The following TEK variants were observed in gnomAD, a reference collection of about 807,000 sequenced individuals.
The protein encoded by TEK is TEK receptor tyrosine kinase, also known as angiopoietin-1 receptor.
In TEK, 43 loss-of-function variants were observed where a neutral mutation model predicts 131.8. That is an observed-to-expected ratio of 0.33 (90% CI 0.26 to 0.42). The LOEUF (loss-of-function observed/expected upper bound fraction) is 0.42. Among genes scored for constraint, TEK ranks in the 10% least tolerant of loss-of-function variants. The probability of loss-of-function intolerance (pLI) is 1.00; values close to 1 mark genes in which losing one functional copy is unlikely to be tolerated. For missense variants in TEK, 1,162 were observed against 1,384.4 expected (o/e 0.84, Z 2.55); for synonymous variants, 580 against 491.6 (o/e 1.18, Z -2.38).
rs186235174 is a variant in TEK at position 27,169,451 on chromosome 9, G to A, written c.476-26G>A. 347 of 1,613,354 alleles carry A rather than the reference G, an allele frequency of 2.2e-4. 1 individual carries two copies. The highest frequency in any genetic ancestry group is 7.1e-4 in the South Asian group (65 of 91,014). On this transcript the variant is annotated intron_variant, in intron 3 of 22. Transcript: ENST00000380036. ...GCAGGTATGTTTCAGTGTGACCTACGGTTCTTCACTCTTCCCTCTTACTAG... is the reference window on the plus strand; with the variant it reads ...GCAGGTATGTTTCAGTGTGACCTACAGTTCTTCACTCTTCCCTCTTACTAG...
At chr9:27,227,008 T>TG (rs11455905) in intron 21 of TEK, among the ~76,000 whole-genome samples, 71,925 of 151,934 alleles carry the variant, frequency 0.47, 17,212 homozygotes, top group Admixed American at 0.57. Flanking sequence ...TGGACATAGT[T>TG]GACCATCACT....
intron 2 of TEK, among the ~76,000 whole-genome samples, chr9:27,163,536 T>A (rs1373543660): frequency 1.3e-5 from 2 of 152,122 alleles, no homozygotes; most frequent in Admixed American, 1.3e-4. Context: ...ACATGAGTGA[T>A]GAGATCTGGC....
chr9:27,143,692 C>T (rs1186275338), intron 1 of TEK, among the ~76,000 whole-genome samples: 1 of 152,162 alleles, frequency 6.6e-6, no homozygotes, highest in African/African-American at 2.4e-5. Context: ...TGTACACACG[C>T]ACATTGTCTA....
chr9:27,136,085 A>ATTATTTT (rs1554689022), intron 1 of TEK, among the ~76,000 whole-genome samples: 1 of 137,022 alleles, frequency 7.3e-6, no homozygotes. Flanking sequence ...CAGGGCAGTT[A>ATTATTTT]TTTTTTTTTT....
At chr9:27,177,205 C>G (rs1824201361) in intron 6 of TEK, among the ~76,000 whole-genome samples, 1 of 152,158 alleles carries the variant, frequency 6.6e-6, no homozygotes, top group Non-Finnish European at 1.5e-5. Context: ...TGGATATATA[C>G]CAGAAATGGG....
At chr9:27,227,907 T>A (rs919789770) in intron 21 of TEK, among the ~76,000 whole-genome samples, 1 of 152,206 alleles carries the variant, frequency 6.6e-6, no homozygotes, top group African/African-American at 2.4e-5. Context: ...TTTTGAAATA[T>A]GCAGCATTCC....
intron 6 of TEK, 106 bp from the exon 7 acceptor site, chr9:27,180,134 C>T: frequency 6.5e-7 from 1 of 1,528,262 alleles, no homozygotes; most frequent in East Asian, 2.3e-5. Context: ...TTACACAAAT[C>T]AGCAAAGTTG....
At chr9:27,185,100 C>T (rs1824547321) in intron 8 of TEK, among the ~76,000 whole-genome samples, 1 of 151,980 alleles carries the variant, frequency 6.6e-6, no homozygotes, top group East Asian at 1.9e-4. Context: ...TTCCAGTACT[C>T]CCCACTTGAC....
In TEK at chr9:27,229,956, C is replaced by A. The variant is rs1310403673; in HGVS notation, c.*724C>A. 2 of 152,178 alleles carry A rather than the reference C, an allele frequency of 1.3e-5. No homozygotes were observed. Among genetic ancestry groups the A allele is most frequent in the Non-Finnish European group, 1.5e-5 (1 of 68,074 alleles). The allele number at this position is 152,178 out of a possible 1,614,324, so 9.4% of individuals were successfully genotyped here. ...AAATAATGGGATTTTCTTTTCTTTTCTCTGGTAATATTGACTTGTATATTT... is the reference window on the plus strand; with the variant it reads ...AAATAATGGGATTTTCTTTTCTTTTATCTGGTAATATTGACTTGTATATTT... On this transcript the variant is annotated 3_prime_UTR_variant, in exon 23 of 23. Coordinates refer to ENST00000380036, the MANE Select transcript of TEK (RefSeq NM_000459.5).
At chr9:27,188,349 A>G (rs747225103) in intron 9 of TEK, among the ~76,000 whole-genome samples, 2 of 152,210 alleles carry the variant, frequency 1.3e-5, no homozygotes, top group Admixed American at 1.3e-4. Context: ...TACAATATGT[A>G]TGTTCCATCT....
chr9:27,221,951 C>T (rs375516477), intron 21 of TEK, among the ~76,000 whole-genome samples: 204 of 152,222 alleles, frequency 1.3e-3, no homozygotes, highest in African/African-American at 4.6e-3. Context: ...TCAAGCTAAA[C>T]GAGCATGTTC....
At chr9:27,120,125 A>G (rs1049379880) in intron 1 of TEK, among the ~76,000 whole-genome samples, 1 of 152,214 alleles carries the variant, frequency 6.6e-6, no homozygotes, top group Non-Finnish European at 1.5e-5. Context: ...CGGTGGTGGC[A>G]GTGGTGATTG....
chr9:27,155,280 CTCTT>C (rs1247896443), intron 1 of TEK, among the ~76,000 whole-genome samples: 1 of 152,276 alleles, frequency 6.6e-6, no homozygotes, highest in East Asian at 1.9e-4. Flanking sequence ...AGCTCGTCGT[CTCTT>C]TCAATGTTTT....
chr9:27,229,542 A>G lies in TEK; in HGVS notation c.*310A>G. 1 of 392,432 alleles carries G rather than the reference A, an allele frequency of 2.5e-6. No homozygotes were observed. Among genetic ancestry groups the G allele is most frequent in the Non-Finnish European group, 4.7e-6 (1 of 212,200 alleles). The allele number at this position is 392,432 out of a possible 1,614,324, so 24.3% of individuals were successfully genotyped here. A position where few individuals can be genotyped will look rare whatever the true frequency, so the allele number is the denominator to read the frequency against. On this transcript the variant is annotated 3_prime_UTR_variant, in exon 23 of 23. Transcript: ENST00000380036. Reference sequence around the variant, plus strand: ...GGCGTGAGTACAATTAGTATAATGCATAACTCATTGTTGTCCTAGATATTT... The same window carrying G: ...GGCGTGAGTACAATTAGTATAATGCGTAACTCATTGTTGTCCTAGATATTT...
At chr9:27,166,639 G>T (rs549751644) in intron 2 of TEK, among the ~76,000 whole-genome samples, 1 of 152,048 alleles carries the variant, frequency 6.6e-6, no homozygotes, top group Non-Finnish European at 1.5e-5. Flanking sequence ...TATAAATGTT[G>T]CAATACTAGC....
At chr9:27,212,136 C>CGGT in intron 16 of TEK, among the ~76,000 whole-genome samples, 1 of 152,120 alleles carries the variant, frequency 6.6e-6, no homozygotes, top group South Asian at 2.1e-4. Flanking sequence ...TTGAAACTAA[C>CGGT]CTCTGGTGGC....
At chr9:27,214,433 G>A (rs1265025854) in intron 18 of TEK, among the ~76,000 whole-genome samples, 1 of 152,136 alleles carries the variant, frequency 6.6e-6, no homozygotes, top group African/African-American at 2.4e-5. Context: ...GCTTTCCTGG[G>A]ATGGCTCCAG....
rs139215084 is a variant in TEK at position 27,229,747 on chromosome 9, T to TTCTC, written c.*520_*523dup. The TTCTC allele has an allele frequency of 6.1e-6, 1 of 164,794 alleles. No homozygotes were observed. The highest frequency in any genetic ancestry group is 2.4e-5 in the African/African-American group (1 of 41,702). 10.2% of individuals were successfully genotyped at this position (164,794 alleles called of 1,614,324 possible). Reference sequence around the variant, plus strand: ...AATCTAAGTGATATAAATCAGATTCTTCTCTCTCAATTTTATCCCTCACCT... The same window carrying TTCTC: ...AATCTAAGTGATATAAATCAGATTCTTCTCTCTCTCTCAATTTTATCCCTCACCT... On this transcript the variant is annotated 3_prime_UTR_variant, in exon 23 of 23. Transcript: ENST00000380036.
At chr9:27,184,484 A>G (rs1403278232) in intron 8 of TEK, among the ~76,000 whole-genome samples, 1 of 152,146 alleles carries the variant, frequency 6.6e-6, no homozygotes, top group Non-Finnish European at 1.5e-5. Flanking sequence ...TGAGGGAGGA[A>G]TATGTAGAAT....
Sources: gnomAD v4.1 joint callset for allele counts (sites outside exome capture counted in the v4.1 genomes callset) on GRCh38, gnomAD v4.1.1 for gene constraint, MANE v1.5 for transcripts, NCBI Gene and HGNC (gene_info 2026-07-23, HGNC 2026-07-21) for gene names.